Variants in LMBRD1 observed in about 807,000 individuals in gnomAD.
The protein encoded by LMBRD1 is lysosomal cobalamin transport escort protein LMBD1.
In LMBRD1, 64 loss-of-function variants were observed where a neutral mutation model predicts 74.8. That is an observed-to-expected ratio of 0.86 (90% CI 0.70 to 1.05). The LOEUF is 1.05. Among genes scored for constraint, LMBRD1 ranks in the 50% least tolerant of loss-of-function variants. LMBRD1 has a pLI of 0.00. For missense variants in LMBRD1, 652 were observed against 645.9 expected, an observed-to-expected ratio of 1.01 and a Z score of -0.10; for synonymous variants, 204 against 216.3, an observed-to-expected ratio of 0.94 and a Z score of 0.50.
At chr6:69,734,508 G>A (rs1167940709) in intron 7 of LMBRD1, among the ~76,000 whole-genome samples, 4 of 151,678 alleles carry the variant, frequency 2.6e-5, no homozygotes, top group Non-Finnish European at 5.9e-5. Context: ...CGATTCTCCT[G>A]CCTCAGTCTC....
chr6:69,711,332 G>C (rs2149851456), intron 9 of LMBRD1, among the ~76,000 whole-genome samples: 1 of 152,264 alleles, frequency 6.6e-6, no homozygotes, highest in Middle Eastern at 3.4e-3. Context: ...AGGGGAGCAA[G>C]AGAGGGCATG....
At chr6:69,750,094 T>G (rs1425061729) in intron 4 of LMBRD1, among the ~76,000 whole-genome samples, 3 of 142,778 alleles carry the variant, frequency 2.1e-5, no homozygotes, top group East Asian at 4.0e-4. Flanking sequence ...ATATACATAC[T>G]CATATATACA....
At chr6:69,741,278 C>T (rs901765673) in intron 6 of LMBRD1, among the ~76,000 whole-genome samples, 15 of 152,020 alleles carry the variant, frequency 9.9e-5, no homozygotes, top group Non-Finnish European at 1.5e-4. Context: ...AAAATAGCTA[C>T]GTAATAGCTA....
At chr6:69,743,312 C>G (rs1158818108) in intron 5 of LMBRD1, among the ~76,000 whole-genome samples, 1 of 152,122 alleles carries the variant, frequency 6.6e-6, no homozygotes, top group Non-Finnish European at 1.5e-5. Flanking sequence ...ATTAGGATAT[C>G]TAAAAATAGC....
chr6:69,774,547 T>A (rs550566541), intron 3 of LMBRD1, among the ~76,000 whole-genome samples: 1 of 152,310 alleles, frequency 6.6e-6, no homozygotes, highest in East Asian at 1.9e-4. Context: ...TCTCACTTCT[T>A]ACTTTTGCAT....
rs186760355 is a variant in LMBRD1 at position 69,679,121 on chromosome 6, C to T, written c.1418-2580G>A. Among the ~76,000 whole-genome samples, 748 of 151,926 alleles carry T rather than the reference C, an allele frequency of 4.9e-3. 7 individuals carry two copies. Among genetic ancestry groups the T allele is most frequent in the Non-Finnish European group, 5.1e-3 (344 of 67,940 alleles). On this transcript the variant is annotated intron_variant, in intron 14 of 15. Transcript: ENST00000649934. ...AGAAGCAACTTCTTCCTTTTAGGAGCAAGGACTACCAATCTAATTCCTATC... is the reference window on the plus strand; with the variant it reads ...AGAAGCAACTTCTTCCTTTTAGGAGTAAGGACTACCAATCTAATTCCTATC...
intron 8 of LMBRD1, among the ~76,000 whole-genome samples, chr6:69,715,580 T>C (rs1766470230): frequency 6.6e-6 from 1 of 152,084 alleles, no homozygotes; most frequent in Admixed American, 6.6e-5. Flanking sequence ...AAGTAAAACA[T>C]GAAAGCTTCC....
intron 12 of LMBRD1, 82 bp from the exon 13 acceptor site, chr6:69,699,274 G>A: frequency 8.4e-7 from 1 of 1,194,552 alleles, no homozygotes; most frequent in Non-Finnish European, 1.2e-6. Flanking sequence ...TATGGGAAAT[G>A]ATTTACACAG....
At chr6:69,753,755 A>G (rs2149878687) in intron 3 of LMBRD1, among the ~76,000 whole-genome samples, 1 of 152,236 alleles carries the variant, frequency 6.6e-6, no homozygotes, top group Non-Finnish European at 1.5e-5. Flanking sequence ...CCTGGCTAAC[A>G]CGGTGAAACC....
At chr6:69,728,749 G>A (rs1490754752) in intron 7 of LMBRD1, among the ~76,000 whole-genome samples, 1 of 152,128 alleles carries the variant, frequency 6.6e-6, no homozygotes, top group African/African-American at 2.4e-5. Context: ...TAATACCCAA[G>A]TCAATATATG....
At chr6:69,764,332 ACTCT>A (rs113092782) in intron 3 of LMBRD1, among the ~76,000 whole-genome samples, 44 of 147,562 alleles carry the variant, frequency 3.0e-4, no homozygotes, top group Admixed American at 4.0e-4. Context: ...TCGTTACCTC[ACTCT>A]CTCTCTCTCT....
intron 13 of LMBRD1, among the ~76,000 whole-genome samples, chr6:69,697,899 A>G (rs540524106): frequency 6.6e-6 from 1 of 152,228 alleles, no homozygotes; most frequent in East Asian, 1.9e-4. Flanking sequence ...TTCCATTTTT[A>G]ATACAAAGTA....
At chr6:69,762,678 G>T (rs1351391156) in intron 3 of LMBRD1, among the ~76,000 whole-genome samples, 1 of 152,068 alleles carries the variant, frequency 6.6e-6, no homozygotes, top group African/African-American at 2.4e-5. Context: ...TTGGAGGTGG[G>T]GTCTTTGGGG....
intron 7 of LMBRD1, among the ~76,000 whole-genome samples, chr6:69,733,953 A>G (rs1391636312): frequency 2.6e-5 from 4 of 152,198 alleles, no homozygotes; most frequent in Non-Finnish European, 4.4e-5. Context: ...AGTAGATTCC[A>G]AGACTTGGTG....
At position 69,674,661 on chromosome 6, in the gene LMBRD1, G is replaced by T. The variant is rs1765511061; in HGVS notation, c.*1497C>A. On this transcript the variant is annotated 3_prime_UTR_variant, in exon 16 of 16. Transcript: ENST00000649934. Reference sequence around the variant, plus strand: ...TAGTATAGATAGAAGCCAAGGGTATGTGAGATTGTCCACAAAGAAAATGTA... The same window carrying T: ...TAGTATAGATAGAAGCCAAGGGTATTTGAGATTGTCCACAAAGAAAATGTA... 6.6e-6 allele frequency among the ~76,000 whole-genome samples: 1 copy of T among 152,198 alleles called. No homozygotes were observed. The highest frequency in any genetic ancestry group is 1.9e-4 in the East Asian group (1 of 5,198).
chr6:69,777,005 G>A (rs1765719385), intron 3 of LMBRD1, among the ~76,000 whole-genome samples: 1 of 152,022 alleles, frequency 6.6e-6, no homozygotes, highest in East Asian at 1.9e-4. Context: ...AAAATTAACT[G>A]AGCATGGTGG....
intron 9 of LMBRD1, among the ~76,000 whole-genome samples, chr6:69,709,709 G>C (rs899354246): frequency 2.0e-5 from 3 of 152,074 alleles, no homozygotes; most frequent in Non-Finnish European, 4.4e-5. Context: ...AATTTAACCA[G>C]GTTGCAGGAT....
At position 69,696,195 on chromosome 6, in the gene LMBRD1, A is replaced by G. The variant is rs900493084; in HGVS notation, c.1417+1368T>C. On this transcript the variant is annotated intron_variant, in intron 14 of 15. Transcript: ENST00000649934. ...GCTAGAATCTTCTGTTTCTCTCACC[A>G]TTGCTCTACAACCAATCAGAAATTC... is the stretch of plus-strand genomic sequence containing the variant. Among the ~76,000 whole-genome samples, 4 of 152,116 alleles carry G rather than the reference A, an allele frequency of 2.6e-5. No homozygotes were observed. In the East Asian group the frequency reaches 7.7e-4, roughly 29 times the overall value.
intron 14 of LMBRD1, among the ~76,000 whole-genome samples, chr6:69,683,841 C>A (rs1159332716): frequency 6.6e-6 from 1 of 151,918 alleles, no homozygotes; most frequent in Non-Finnish European, 1.5e-5. Context: ...CAACAATAAT[C>A]CAGAAGATGG....
Sources: gnomAD v4.1 joint callset for allele counts (sites outside exome capture counted in the v4.1 genomes callset) on GRCh38, gnomAD v4.1.1 for gene constraint, MANE v1.5 for transcripts, NCBI Gene and HGNC (gene_info 2026-07-23, HGNC 2026-07-21) for gene names.